The following CACNA2D2 variants were observed in gnomAD, a reference collection of about 807,000 sequenced individuals.
The protein encoded by CACNA2D2 is voltage-dependent calcium channel subunit alpha-2/delta-2.
CACNA2D2 carries 48 observed loss-of-function variants against 166.4 expected under a neutral mutation model. The ratio of observed to expected loss-of-function variants is 0.29; its 90% CI spans 0.23 to 0.37. The LOEUF (loss-of-function observed/expected upper bound fraction) is 0.37, where lower values mean the gene tolerates loss of function less well. Ranked by LOEUF, CACNA2D2 falls within the 10% of genes least tolerant of loss-of-function variation. The pLI, the probability that CACNA2D2 is intolerant of heterozygous loss-of-function variation, is 1.00. For missense variants in CACNA2D2, 1,122 were observed against 1,433.0 expected (o/e 0.78, Z 3.50); for synonymous variants, 561 against 573.7 (o/e 0.98, Z 0.32).
In CACNA2D2 at chr3:50,400,250, G is replaced by A. The variant is rs371131620; in HGVS notation, c.406-6082C>T. Among the ~76,000 whole-genome samples, 59 of 152,364 alleles carry A rather than the reference G, an allele frequency of 3.9e-4. 1 individual carries two copies. In the South Asian group the frequency reaches 0.011, roughly 28 times the overall value. On this transcript the variant is annotated intron_variant, in intron 3 of 37. Coordinates refer to ENST00000424201, the MANE Select transcript of CACNA2D2 (RefSeq NM_006030.4). ...CAGGGCTGACAGTAGGGGCAGAAGT[G>A]CAGGTGGGGTTAGGGGGCCCTGGCC... is the stretch of plus-strand genomic sequence containing the variant.
intron 1 of CACNA2D2, among the ~76,000 whole-genome samples, chr3:50,501,260 T>C (rs1313836050): frequency 6.6e-6 from 1 of 152,026 alleles, no homozygotes; most frequent in Non-Finnish European, 1.5e-5. Flanking sequence ...CCTCCAAGGA[T>C]CAATGTGCAT....
At chr3:50,396,897 A>G (rs574991141) in intron 3 of CACNA2D2, among the ~76,000 whole-genome samples, 18 of 152,324 alleles carry the variant, frequency 1.2e-4, no homozygotes, top group Admixed American at 9.1e-4. Context: ...CTCTTGCCGC[A>G]GAAAAGCCAC....
intron 3 of CACNA2D2, among the ~76,000 whole-genome samples, chr3:50,398,665 G>A (rs896289417): frequency 2.6e-5 from 4 of 152,232 alleles, no homozygotes; most frequent in Middle Eastern, 6.8e-3. Context: ...ATGGCGATGC[G>A]GCTATGAAGT....
chr3:50,501,072 C>G (rs1200761660), intron 1 of CACNA2D2, among the ~76,000 whole-genome samples: 1 of 152,182 alleles, frequency 6.6e-6, no homozygotes, highest in Non-Finnish European at 1.5e-5. Flanking sequence ...GGAAATCCAC[C>G]TGTATCAAAG....
At chr3:50,392,150 G>C (rs1023494833) in intron 4 of CACNA2D2, among the ~76,000 whole-genome samples, 1 of 152,128 alleles carries the variant, frequency 6.6e-6, no homozygotes, top group African/African-American at 2.4e-5. Flanking sequence ...TGGTTTCAGG[G>C]GTGGGTGGTG....
chr3:50,474,675 C>T (rs753116977), intron 2 of CACNA2D2, among the ~76,000 whole-genome samples: 28 of 152,156 alleles, frequency 1.8e-4, no homozygotes, highest in Non-Finnish European at 3.5e-4. Context: ...TAGCTTATGT[C>T]CCGATATGAA....
chr3:50,464,491 G>A (rs1306650618), intron 2 of CACNA2D2, among the ~76,000 whole-genome samples: 1 of 152,194 alleles, frequency 6.6e-6, no homozygotes, highest in Admixed American at 6.5e-5. Flanking sequence ...TGGTGGCCCT[G>A]TTCAATGAGG....
chr3:50,472,776 C>G (rs1710152803), intron 2 of CACNA2D2, among the ~76,000 whole-genome samples: 1 of 152,180 alleles, frequency 6.6e-6, no homozygotes, highest in African/African-American at 2.4e-5. Flanking sequence ...ACCCCCATTC[C>G]CCATGCACCC....
At chr3:50,406,336 C>T (rs1323541702) in intron 3 of CACNA2D2, among the ~76,000 whole-genome samples, 2 of 151,746 alleles carry the variant, frequency 1.3e-5, no homozygotes, top group South Asian at 2.1e-4. Context: ...AAAAAAAGCA[C>T]CAAGCAAGCC....
intron 6 of CACNA2D2, among the ~76,000 whole-genome samples, chr3:50,381,702 G>A (rs1311657107): frequency 6.6e-6 from 1 of 152,032 alleles, no homozygotes; most frequent in Non-Finnish European, 1.5e-5. Context: ...CTTCAACACA[G>A]GCAAGTGTAC....
intron 2 of CACNA2D2, among the ~76,000 whole-genome samples, chr3:50,454,619 G>A (rs576191103): frequency 6.6e-6 from 1 of 152,354 alleles, no homozygotes; most frequent in South Asian, 2.1e-4. Context: ...CAGCCCGGGA[G>A]ATTAGCAGTT....
chr3:50,378,893 C>G (rs748003976), intron 13 of CACNA2D2, 22 bp downstream of exon 13: 3 of 1,612,458 alleles, frequency 1.9e-6, no homozygotes, highest in Non-Finnish European at 2.5e-6. Context: ...AGGCCCCTGA[C>G]AGTGATGCGC....
rs911052318 is a variant in CACNA2D2, at chr3:50,367,200, G to A, written c.2402-91C>T. ...CCTACAAACCCAGCAGTCCAATCCC[G>A]GGATGACTCCAGCCCAAGCACCCAG... On this transcript the variant is annotated intron_variant, in intron 27 of 37. Transcript: ENST00000424201. This position sits in a 1 kb window ranked among gnomAD's most constrained non-coding sequence, Gnocchi z 6.5. 17 of 1,099,414 alleles carry A rather than the reference G, an allele frequency of 1.5e-5. No individual in the cohort carries two copies. The highest frequency in any genetic ancestry group is 2.0e-5 in the Non-Finnish European group (15 of 736,016). The allele number at this position is 1,099,414 out of a possible 1,614,324, so 68.1% of individuals were successfully genotyped here.
rs1704198206 is a variant in CACNA2D2, at chr3:50,365,424, C to T, written c.3030G>A (p.Gln1010=). ...ETRESSCVMK[Q]TQYYFGSVNA... ...TTACCGAGCCGAAGTAGTACTGGGT[C>T]TGTTTCATGACGCAGCTGCTCTCGC... is the stretch of plus-strand genomic sequence containing the variant. Residue 1010 remains glutamine (Q), a synonymous_variant, in exon 35 of 38, where the codon CAG becomes CAA. Transcript: ENST00000424201. The surrounding 1 kb of genome is among the most constrained non-coding windows in gnomAD (Gnocchi z 4.5). 5 of 1,613,706 alleles carry T rather than the reference C, an allele frequency of 3.1e-6. No individual in the cohort carries two copies. The highest frequency in any genetic ancestry group is 4.2e-6 in the Non-Finnish European group (5 of 1,179,898).
intron 3 of CACNA2D2, among the ~76,000 whole-genome samples, chr3:50,417,614 C>A (rs145281140): frequency 1.3e-5 from 2 of 152,278 alleles, no homozygotes; most frequent in African/African-American, 4.8e-5. Flanking sequence ...GGGCGCAGGC[C>A]CAGAGCCAGG....
intron 3 of CACNA2D2, among the ~76,000 whole-genome samples, chr3:50,400,438 G>A (rs1706390875): frequency 6.6e-6 from 1 of 152,270 alleles, no homozygotes; most frequent in Non-Finnish European, 1.5e-5. Context: ...TGGACAGACA[G>A]TGCCTGCTAC....
chr3:50,367,936 A>T lies in CACNA2D2; in HGVS notation c.2144-34T>A, dbSNP rs1175788045. 1.5e-6 allele frequency: 2 copies of T among 1,362,722 alleles called. No individual in the cohort carries two copies. Among genetic ancestry groups the T allele is most frequent in the East Asian group, 2.4e-5 (1 of 41,850 alleles). 84.4% of individuals were successfully genotyped at this position (1,362,722 alleles called of 1,614,324 possible). ...GGAGGGGAGGGGTGGGGGTGGGGGC[A>T]TCTTCTTGCAGCTCCTTGCCCACCC... On this transcript the variant is annotated intron_variant, in intron 24 of 37. Coordinates refer to ENST00000424201, the MANE Select transcript of CACNA2D2 (RefSeq NM_006030.4). This position sits in a 1 kb window ranked among gnomAD's most constrained non-coding sequence, Gnocchi z 6.5.
intron 13 of CACNA2D2, 59 bp downstream of exon 13, chr3:50,378,856 C>A (rs117760698): frequency 1.9e-6 from 3 of 1,596,118 alleles, no homozygotes; most frequent in Non-Finnish European, 2.6e-6. Flanking sequence ...GTTGAACATA[C>A]GCAATCGACA....
At position 50,376,315 on chromosome 3, in the gene CACNA2D2, C is replaced by G; in HGVS notation, c.1627-127G>C. 1 of 969,926 alleles carries G rather than the reference C, an allele frequency of 1.0e-6. No homozygotes were observed. 60.1% of individuals were successfully genotyped at this position (969,926 alleles called of 1,614,324 possible). On this transcript the variant is annotated intron_variant, in intron 17 of 37. Transcript: ENST00000424201. The surrounding 1 kb of genome is among the most constrained non-coding windows in gnomAD (Gnocchi z 4.3). ...CTGTTTGCCTGCCTTGGGCTAAGGG[C>G]CCCCCCATGCCACGTGGCCCTAAGC...
Sources: allele counts gnomAD v4.1 joint callset (sites outside exome capture counted in the v4.1 genomes callset), GRCh38; gene constraint gnomAD v4.1.1; non-coding constraint Gnocchi (gnomAD v3.1); transcripts MANE v1.5; gene names NCBI Gene and HGNC (gene_info 2026-07-23, HGNC 2026-07-21).